Variants in NPSR1 observed in about 807,000 individuals in gnomAD.
NPSR1 encodes the protein neuropeptide S receptor 1, also known as neuropeptide S receptor.
Under a neutral mutation model 46.9 loss-of-function variants are expected in NPSR1, and 48 were observed. The ratio of observed to expected loss-of-function variants is 1.02; its 90% confidence interval spans 0.81 to 1.30. The LOEUF (loss-of-function observed/expected upper bound fraction) is 1.30. NPSR1 is among the 50% of genes most tolerant of loss of function. The pLI is 0.00. For synonymous variants in NPSR1, 176 were observed against 168.1 expected (o/e 1.05, Z -0.36); for missense variants, 450 against 449.5 (o/e 1.00, Z -0.01).
At chr7:34,866,903 T>A (rs1381498640) in intron 8 of NPSR1, among the ~76,000 whole-genome samples, 1 of 151,594 alleles carries the variant, frequency 6.6e-6, no homozygotes, top group Non-Finnish European at 1.5e-5. Context: ...GAAATCATGG[T>A]GCTGGTTAAA....
chr7:34,785,447 G>C (rs761415262), intron 3 of NPSR1, among the ~76,000 whole-genome samples: 1 of 150,014 alleles, frequency 6.7e-6, no homozygotes, highest in Non-Finnish European at 1.5e-5. Context: ...TGAGTTAATG[G>C]GTGCAGCACA....
chr7:34,786,572 G>T (rs917007137), intron 3 of NPSR1, among the ~76,000 whole-genome samples: 1 of 152,070 alleles, frequency 6.6e-6, no homozygotes, highest in African/African-American at 2.4e-5. Context: ...AATTTCCCTT[G>T]TCCTGATCCA....
intron 1 of NPSR1, among the ~76,000 whole-genome samples, chr7:34,675,056 GC>G (rs1411893614): frequency 6.6e-6 from 1 of 152,192 alleles, no homozygotes; most frequent in Non-Finnish European, 1.5e-5. Flanking sequence ...GCAAATCCCA[GC>G]TGCATCACCT....
chr7:34,873,771 A>T (rs1306347378), intron 8 of NPSR1, among the ~76,000 whole-genome samples: 1 of 151,666 alleles, frequency 6.6e-6, no homozygotes, highest in Non-Finnish European at 1.5e-5. Flanking sequence ...CCAAACCATA[A>T]CAGAGATGAA....
chr7:34,875,828 C>T (rs979497387), intron 8 of NPSR1, among the ~76,000 whole-genome samples: 8 of 151,772 alleles, frequency 5.3e-5, no homozygotes, highest in African/African-American at 1.7e-4. Context: ...AGAAACTAGT[C>T]AAATGGACCA....
intron 3 of NPSR1, among the ~76,000 whole-genome samples, chr7:34,788,255 T>C (rs550782634): frequency 5.8e-4 from 88 of 151,852 alleles, no homozygotes; most frequent in African/African-American, 2.0e-3. Flanking sequence ...AAGCAAAACC[T>C]GTAGTAGATA....
chr7:34,846,997 G>A (rs560694199), intron 7 of NPSR1, among the ~76,000 whole-genome samples: 16 of 152,234 alleles, frequency 1.1e-4, no homozygotes, highest in Middle Eastern at 6.8e-3. Context: ...AAACACCCAA[G>A]CACACAAGGC....
At chr7:34,858,411 A>C (rs1584149794) in intron 8 of NPSR1, among the ~76,000 whole-genome samples, 1 of 151,886 alleles carries the variant, frequency 6.6e-6, no homozygotes, top group South Asian at 2.1e-4. Context: ...CTTTAAAAAC[A>C]TAATATAAAG....
Position 34,723,088 on chromosome 7 carries a change from A to G in NPSR1, c.280+38404A>G, listed in dbSNP as rs200337614. ...CTGGAAACTGTGAACAAATTAAGCCAGAGCAAATCCGTCCATCCTGGCTGC... is the reference window on the plus strand; with the variant it reads ...CTGGAAACTGTGAACAAATTAAGCCGGAGCAAATCCGTCCATCCTGGCTGC... On this transcript the variant is annotated intron_variant, in intron 2 of 8. Transcript: ENST00000360581. Among the ~76,000 whole-genome samples, 4 of 152,298 alleles carry G rather than the reference A, an allele frequency of 2.6e-5. No individual in the cohort carries two copies. In the East Asian group the frequency reaches 7.7e-4, roughly 29 times the overall value.
At chr7:34,684,427 A>C in intron 1 of NPSR1, 125 bp from the exon 2 acceptor site, 1 of 835,084 alleles carries the variant, frequency 1.2e-6, no homozygotes, top group Non-Finnish European at 1.9e-6. Context: ...TGTTTTCTTG[A>C]GAGTAGAGCT....
intron 3 of NPSR1, among the ~76,000 whole-genome samples, chr7:34,789,661 CG>C (rs1228795664): frequency 7.3e-6 from 1 of 136,170 alleles, no homozygotes; most frequent in East Asian, 2.4e-4. Context: ...GGTGTGGTGG[CG>C]GGCCCCTGTA....
At chr7:34,788,385 C>T (rs1177971803) in intron 3 of NPSR1, among the ~76,000 whole-genome samples, 1 of 150,388 alleles carries the variant, frequency 6.6e-6, no homozygotes, top group East Asian at 2.0e-4. Flanking sequence ...GAGTGGAAGA[C>T]AGAAAAAAAA....
intron 1 of NPSR1, among the ~76,000 whole-genome samples, chr7:34,666,522 G>C (rs955856967): frequency 5.9e-5 from 9 of 151,972 alleles, no homozygotes; most frequent in African/African-American, 2.2e-4. Context: ...ATAATGCATG[G>C]AGCCGCAGCA....
intron 8 of NPSR1, among the ~76,000 whole-genome samples, chr7:34,864,059 C>A (rs1056240206): frequency 4.0e-5 from 6 of 151,820 alleles, no homozygotes; most frequent in African/African-American, 9.7e-5. Flanking sequence ...AGGATGAGTT[C>A]ATGTCCTTTG....
chr7:34,772,547 G>A (rs1009732320), intron 2 of NPSR1, among the ~76,000 whole-genome samples: 1 of 152,114 alleles, frequency 6.6e-6, no homozygotes, highest in Non-Finnish European at 1.5e-5. Flanking sequence ...TTTAATACTA[G>A]GGTACAGCCC....
At chr7:34,673,791 A>G (rs896102059) in intron 1 of NPSR1, among the ~76,000 whole-genome samples, 2 of 152,166 alleles carry the variant, frequency 1.3e-5, no homozygotes, top group African/African-American at 4.8e-5. Context: ...CTGTATACAG[A>G]TTTCTTACTT....
At chr7:34,723,788 C>T (rs1287466944) in intron 2 of NPSR1, among the ~76,000 whole-genome samples, 3 of 152,030 alleles carry the variant, frequency 2.0e-5, no homozygotes, top group African/African-American at 7.2e-5. Context: ...TGGGTGTGCA[C>T]CCCCACTGCA....
chr7:34,855,186 A>G (rs1444230824), intron 8 of NPSR1, among the ~76,000 whole-genome samples: 1 of 152,184 alleles, frequency 6.6e-6, no homozygotes, highest in Non-Finnish European at 1.5e-5. Context: ...CAAATTATCT[A>G]TCTTATGAAG....
intron 2 of NPSR1, among the ~76,000 whole-genome samples, chr7:34,690,760 A>T (rs118077813): frequency 0.018 from 2,749 of 152,312 alleles, 36 homozygotes; most frequent in Middle Eastern, 0.037. Context: ...TACAATTTAT[A>T]GGTATTTCAA....
Sources: gnomAD v4.1 joint callset for allele counts (sites outside exome capture counted in the v4.1 genomes callset) on GRCh38, gnomAD v4.1.1 for gene constraint, MANE v1.5 for transcripts, NCBI Gene and HGNC (gene_info 2026-07-23, HGNC 2026-07-21) for gene names.